Variants in NELFE observed in about 807,000 individuals in gnomAD.
NELFE encodes the protein negative elongation factor E.
A neutral mutation model predicts 55.5 loss-of-function variants in NELFE; 26 were observed. The ratio of observed to expected loss-of-function variants is 0.47; its 90% CI spans 0.34 to 0.65. NELFE has a LOEUF of 0.65. Among genes scored for constraint, NELFE ranks in the 30% least tolerant of loss-of-function variants. The pLI is 0.01. For synonymous variants in NELFE, 162 were observed against 178.0 expected (o/e 0.91, Z 0.72); for missense variants, 403 against 506.9 (o/e 0.80, Z 1.97).
At chr6:31,957,630 G>C (rs1053417321) in intron 2 of NELFE, among the ~76,000 whole-genome samples, 4 of 152,212 alleles carry the variant, frequency 2.6e-5, no homozygotes, top group African/African-American at 9.6e-5. Context: ...AGATAAGAAG[G>C]CTTTGGGAAT....
chr6:31,957,369 C>T, intron 2 of NELFE: 1 of 521,028 alleles, frequency 1.9e-6, no homozygotes, highest in Non-Finnish European at 3.7e-6. Context: ...TGAGGCCCAG[C>T]CATGACTTCG....
rs766526455 is a variant in NELFE, at chr6:31,954,053, G to C, written c.942+27C>G. The C allele has an allele frequency of 1.2e-6, 2 of 1,611,260 alleles. No homozygotes were observed. The highest frequency in any genetic ancestry group is 1.7e-5 in the Admixed American group (1 of 59,934). On this transcript the variant is annotated intron_variant, in intron 9 of 10. Transcript: ENST00000375429. This position sits in a 1 kb window ranked among gnomAD's most constrained non-coding sequence, Gnocchi z 5.5. ...ACACATGAGAACAGCAGAAGCGATG[G>C]GAAGAACAGATTTGGGAAGTTCCAA...
chr6:31,953,868 A>G, intron 9 of NELFE, 37 bp from the exon 10 acceptor site: 1 of 1,549,942 alleles, frequency 6.5e-7, no homozygotes, highest in Non-Finnish European at 8.9e-7. Context: ...ATGGGGAGGA[A>G]AACATTACAG....
chr6:31,956,893 C>T lies in NELFE; in HGVS notation c.145+48G>A, dbSNP rs1024605372. 2.5e-6 allele frequency: 4 copies of T among 1,612,912 alleles called. No homozygotes were observed. In the African/African-American group the frequency reaches 5.3e-5, roughly 22 times the overall value. ...TTGGCCAAGCCATGATGAAGGTCAG[C>T]TCCATGCTGCCCACTTCCAGTCCAT... On this transcript the variant is annotated intron_variant, in intron 3 of 10. Transcript: ENST00000375429.
chr6:31,952,143 T>C lies in NELFE; in HGVS notation c.*158A>G. ...GGGGAACAGGCACTGGCCATGTTGT[T>C]ACACTGAGATCAAACCTGACAGCCG... On this transcript the variant is annotated 3_prime_UTR_variant, in exon 11 of 11. Transcript: ENST00000375429. The C allele has an allele frequency of 6.7e-7, 1 of 1,495,730 alleles. No individual in the cohort carries two copies. The highest frequency in any genetic ancestry group is 9.3e-7 in the Non-Finnish European group (1 of 1,080,062). 92.7% of individuals were successfully genotyped at this position (1,495,730 alleles called of 1,614,324 possible).
At chr6:31,953,288 C>T (rs1035595321) in intron 10 of NELFE, among the ~76,000 whole-genome samples, 9 of 152,014 alleles carry the variant, frequency 5.9e-5, no homozygotes, top group Admixed American at 1.3e-4. Context: ...AGTCCTGGGT[C>T]GTTTTTTTTT....
chr6:31,952,464 T>G, intron 10 of NELFE, 66 bp from the exon 11 acceptor site: 1 of 1,200,368 alleles, frequency 8.3e-7, no homozygotes. Context: ...TGAGGCTGAC[T>G]CCTGACCACC....
At chr6:31,953,648 A>C in intron 10 of NELFE, 81 bp downstream of exon 10, 1 of 1,206,852 alleles carries the variant, frequency 8.3e-7, no homozygotes, top group Non-Finnish European at 1.2e-6. Flanking sequence ...GATCATCTCT[A>C]GGAAACCCAA....
At position 31,954,612 on chromosome 6, in the gene NELFE, C is replaced by G. The variant is rs376590736; in HGVS notation, c.685G>C (p.Glu229Gln). Residue 229 changes from glutamate to glutamine, a missense_variant, in exon 7 of 11, where the codon GAA (glutamate) becomes CAA (glutamine). Transcript: ENST00000375429. The surrounding 1 kb of genome is among the most constrained non-coding windows in gnomAD (Gnocchi z 5.5). The part of the protein sequence containing the change: ...DRDRDRDRDR[E>Q]RDRDRERDRD... ...TCCCGCTCCCGATCCCTGTCCCGTT[C>G]CCGGTCTCGATCTCGATCCCGATCC... The G allele has an allele frequency of 4.4e-6, 7 of 1,607,996 alleles. No homozygotes were observed. The highest frequency in any genetic ancestry group is 5.9e-6 in the Non-Finnish European group (7 of 1,177,162).
At chr6:31,955,376 C>T in intron 4 of NELFE, 83 bp from the exon 5 acceptor site, 1 of 903,354 alleles carries the variant, frequency 1.1e-6, no homozygotes, top group Admixed American at 2.5e-5. Context: ...CCCTCACCCT[C>T]TTCTAGGTTT....
In NELFE at chr6:31,954,253, A is replaced by G; in HGVS notation, c.887+45T>C. The stretch of plus-strand genomic sequence containing the variant: ...CTTCTTCCCTCAGGTCTCACACCCC[A>G]GGATTCTCCCAGGACTTCTCATCAT... On this transcript the variant is annotated intron_variant, in intron 8 of 10. Coordinates refer to ENST00000375429, the MANE Select transcript of NELFE (RefSeq NM_002904.6). The surrounding 1 kb of genome is among the most constrained non-coding windows in gnomAD (Gnocchi z 5.5). 6.2e-7 allele frequency: 1 copy of G among 1,610,380 alleles called. No homozygotes were observed. Among genetic ancestry groups the G allele is most frequent in the Non-Finnish European group, 8.5e-7 (1 of 1,177,750 alleles).
rs748280186 is a variant in NELFE at position 31,954,650 on chromosome 6, C to T, written c.647G>A (p.Arg216Gln). Residue 216 changes from arginine (R) to glutamine (Q), a missense_variant, in exon 7 of 11, where the codon CGG becomes CAG. Around this residue, in one of 3 missense-constraint regions of NELFE, gnomAD observed 229 missense variants for 228.3 expected, o/e 1.00. Transcript: ENST00000375429. This position sits in a 1 kb window ranked among gnomAD's most constrained non-coding sequence, Gnocchi z 5.5. Reference sequence around the variant, plus strand: ...TCGATCCCGATCCCGATCCCTGTCCCGCTCTCTGTCTCTGTCTCGATCCCG... The same window carrying T: ...TCGATCCCGATCCCGATCCCTGTCCTGCTCTCTGTCTCTGTCTCGATCCCG... ...RDRDRDRDRE[R>Q]DRDRDRDRDR... The T allele has an allele frequency of 3.1e-6, 5 of 1,603,752 alleles. No homozygotes were observed. The highest frequency in any genetic ancestry group is 1.7e-5 in the Admixed American group (1 of 59,400).
chr6:31,953,425 T>C (rs918767456), intron 10 of NELFE, among the ~76,000 whole-genome samples: 2 of 152,204 alleles, frequency 1.3e-5, no homozygotes, highest in East Asian at 3.8e-4. Flanking sequence ...CGAATACTTA[T>C]GAAACTCACT....
rs1424225061 is a variant in NELFE at position 31,954,932 on chromosome 6, C to T, written c.405-40G>A. On this transcript the variant is annotated intron_variant, in intron 6 of 10. Coordinates refer to ENST00000375429, the MANE Select transcript of NELFE (RefSeq NM_002904.6). This position sits in a 1 kb window ranked among gnomAD's most constrained non-coding sequence, Gnocchi z 5.5. Reference sequence around the variant, plus strand: ...ACTGAAGATCAAAGGGGGGTTTTACCTTCTCCCCTCAGACCCTGTGGAGAC... The same window carrying T: ...ACTGAAGATCAAAGGGGGGTTTTACTTTCTCCCCTCAGACCCTGTGGAGAC... The T allele has an allele frequency of 7.6e-6, 12 of 1,587,032 alleles. No homozygotes were observed. Among genetic ancestry groups the T allele is most frequent in the Non-Finnish European group, 1.0e-5 (12 of 1,166,152 alleles).
chr6:31,953,664 TGTG>T, intron 10 of NELFE, 62 bp downstream of exon 10: 1 of 1,352,706 alleles, frequency 7.4e-7, no homozygotes, highest in Non-Finnish European at 1.1e-6. Flanking sequence ...CCCAAGGATG[TGTG>T]GGGGAACCAA....
Position 31,954,796 on chromosome 6 carries a change from G to C in NELFE, c.501C>G (p.Asp167Glu), listed in dbSNP as rs1771980320. 1 of 1,609,146 alleles carries C rather than the reference G, an allele frequency of 6.2e-7. No individual in the cohort carries two copies. Among genetic ancestry groups the C allele is most frequent in the Non-Finnish European group, 8.5e-7 (1 of 1,178,360 alleles). The change falls in exon 7 of 11, where the codon GAC becomes GAG. Residue 167 changes from aspartate to glutamate, a missense_variant. This residue lies in a region of NELFE where 229 missense variants were observed against 228.3 expected (regional missense o/e 1.00). Coordinates refer to ENST00000375429, the MANE Select transcript of NELFE (RefSeq NM_002904.6). The surrounding 1 kb of genome is among the most constrained non-coding windows in gnomAD (Gnocchi z 5.5). ...CACCACTGCGTTCTTCATAGCCCCA[G>C]TCAAAGCTTCGAGGGGGACCATCAC... ...GAGDGPPRSF[D>E]WGYEERSGAH...
intron 4 of NELFE, 79 bp from the exon 5 acceptor site, chr6:31,955,372 C>T (rs1046978654): frequency 3.8e-5 from 37 of 973,282 alleles, no homozygotes; most frequent in African/African-American, 4.9e-5. Context: ...TCTTCCCTCA[C>T]CCTCTTCTAG....
At position 31,954,314 on chromosome 6, in the gene NELFE, T is replaced by A. The variant is rs778378703; in HGVS notation, c.871A>T (p.Met291Leu). 3 of 1,612,352 alleles carry A rather than the reference T, an allele frequency of 1.9e-6. No individual in the cohort carries two copies. The highest frequency in any genetic ancestry group is 2.5e-6 in the Non-Finnish European group (3 of 1,179,158). Residue 291 changes from methionine to leucine, a missense_variant, in exon 8 of 11, where the codon ATG (methionine) becomes TTG (leucine). Met to Leu is a conservative substitution (Grantham distance 15). Coordinates refer to ENST00000375429, the MANE Select transcript of NELFE (RefSeq NM_002904.6). The surrounding 1 kb of genome is among the most constrained non-coding windows in gnomAD (Gnocchi z 5.5). ...CATCCTTACTTTCTGGGTGGGTCCA[T>A]GGAGAGGTCAATGATGTTTCCAAAA... ...SPFGNIIDLS[M>L]DPPRNCAFVT...
In NELFE at chr6:31,954,381, T is replaced by G. The variant is rs771270028; in HGVS notation, c.804A>C (p.Gly268=). ...GGAGAAGGGTGGGTGTCATGTCTTCTCCATATACATAGAGAGTATTCCCTT... is the reference window on the plus strand; with the variant it reads ...GGAGAAGGGTGGGTGTCATGTCTTCGCCATATACATAGAGAGTATTCCCTT... ...PRKGNTLYVY[G]EDMTPTLLRG... Residue 268 remains glycine (G), a synonymous_variant, in exon 8 of 11, where the codon GGA becomes GGC. Transcript: ENST00000375429. The surrounding 1 kb of genome is among the most constrained non-coding windows in gnomAD (Gnocchi z 5.5). 1 of 1,613,514 alleles carries G rather than the reference T, an allele frequency of 6.2e-7. No homozygotes were observed. Among genetic ancestry groups the G allele is most frequent in the East Asian group, 2.2e-5 (1 of 44,888 alleles).
Sources: allele counts gnomAD v4.1 joint callset (sites outside exome capture counted in the v4.1 genomes callset), GRCh38; gene constraint gnomAD v4.1.1; regional missense constraint gnomAD v4.1.1; non-coding constraint Gnocchi (gnomAD v3.1); transcripts MANE v1.5; gene names NCBI Gene and HGNC (gene_info 2026-07-23, HGNC 2026-07-21).